The following GRAMD4 variants were observed in gnomAD, a reference collection of about 807,000 sequenced individuals.
GRAMD4 encodes GRAM domain containing 4, also known as GRAM domain-containing protein 4.
GRAMD4 carries 25 observed loss-of-function variants against 83.9 expected under a neutral mutation model. The ratio of observed to expected loss-of-function variants is 0.30; its 90% CI spans 0.22 to 0.42. The LOEUF (loss-of-function observed/expected upper bound fraction) is 0.42, where lower values mean the gene tolerates loss of function less well. GRAMD4 is among the 10% of genes least tolerant of loss of function. The probability of loss-of-function intolerance (pLI) is 1.00; values close to 1 mark genes in which losing one functional copy is unlikely to be tolerated. For synonymous variants in GRAMD4, 336 were observed against 320.9 expected, an observed-to-expected ratio of 1.05 and a Z score of -0.50; for missense variants, 593 against 788.7, an observed-to-expected ratio of 0.75 and a Z score of 2.97.
At chr22:46,583,507 T>C (rs2081117839) in intron 1 of GRAMD4, among the ~76,000 whole-genome samples, 1 of 152,224 alleles carries the variant, frequency 6.6e-6, no homozygotes, top group South Asian at 2.1e-4. Flanking sequence ...TCTAAGCTCC[T>C]CTTTGCTATG....
chr22:46,679,105 G>A lies in GRAMD4; in HGVS notation c.*1854G>A, dbSNP rs777609876. The A allele has an allele frequency of 2.9e-5, 29 of 985,398 alleles. No individual in the cohort carries two copies. The highest frequency in any genetic ancestry group is 1.4e-4 in the South Asian group (3 of 21,292). 61.0% of individuals were successfully genotyped at this position (985,398 alleles called of 1,614,324 possible). A position where few individuals can be genotyped will look rare whatever the true frequency, so the allele number is the denominator to read the frequency against. On this transcript the variant is annotated 3_prime_UTR_variant, in exon 19 of 19. Coordinates refer to ENST00000406902, the MANE Select transcript of GRAMD4 (RefSeq NM_015124.5). ...TGGGCACTGACCCACCCCCAGGGGC[G>A]GCTGCAGAGGCAGTGCCCGCAGACA...
upstream of GRAMD4, among the ~76,000 whole-genome samples, chr22:46,616,024 T>G (rs1288093896): frequency 3.5e-5 from 1 of 28,768 alleles, no homozygotes; most frequent in African/African-American, 1.2e-4. Flanking sequence ...CTGTGCGTGT[T>G]GGTTCCCCCA....
Position 46,603,259 on chromosome 22 carries a change from T to G in GRAMD4, c.-49-23492T>G, listed in dbSNP as rs1387437595. Among the ~76,000 whole-genome samples the G allele has an allele frequency of 3.6e-5, 5 of 139,006 alleles. No individual in the cohort carries two copies. In the East Asian group the frequency reaches 8.6e-4, roughly 24 times the overall value. 91.2% of individuals were successfully genotyped at this position (139,006 alleles called of 152,430 possible). ...GTCTCGCTGTGTTGCCCAGGCTGGA[T>G]TGCAGTGGCATGACCTCGGCTCACT... On this transcript the variant is annotated intron_variant, in intron 1 of 1. Transcript: ENST00000431155.
intron 2 of GRAMD4, among the ~76,000 whole-genome samples, chr22:46,628,493 G>C (rs1379439439): frequency 5.0e-4 from 43 of 85,934 alleles, no homozygotes; most frequent in South Asian, 1.4e-3. Context: ...TGAGTGCGTT[G>C]GTGTCTGAGG....
At chr22:46,648,947 G>GATGGATGGATGC (rs2082124683) in intron 3 of GRAMD4, among the ~76,000 whole-genome samples, 1 of 80,264 alleles carries the variant, frequency 1.2e-5, no homozygotes, top group African/African-American at 4.6e-5. Context: ...TGGATGGATG[G>GATGGATGGATGC]ATGGATGGAT....
At position 46,668,890 on chromosome 22, in the gene GRAMD4, C is replaced by T; in HGVS notation, c.1066C>T (p.Leu356=). ...FLASCFFPYR[L]VGLAVGLYAG... is the part of the protein sequence containing the mutation. ...GGCCTCCTGCTTCTTCCCCTACCGCCTGGTGGGGCTTGCCGTGGGTAAGTA... is the reference window on the plus strand; with the variant it reads ...GGCCTCCTGCTTCTTCCCCTACCGCTTGGTGGGGCTTGCCGTGGGTAAGTA... The change falls in exon 13 of 19, where the codon CTG becomes TTG. Residue 356 remains leucine, a synonymous_variant. Transcript: ENST00000406902. The T allele has an allele frequency of 6.2e-7, 1 of 1,606,740 alleles. No homozygotes were observed. Among genetic ancestry groups the T allele is most frequent in the Non-Finnish European group, 8.5e-7 (1 of 1,174,504 alleles).
intron 9 of GRAMD4, among the ~76,000 whole-genome samples, chr22:46,666,144 G>A (rs1289960738): frequency 3.9e-5 from 6 of 152,306 alleles, no homozygotes; most frequent in African/African-American, 7.2e-5. Context: ...TGTGACTGAC[G>A]CGTTAACCCC....
chr22:46,615,534 T>G (rs1243477136), upstream of GRAMD4, among the ~76,000 whole-genome samples: 1 of 140,794 alleles, frequency 7.1e-6, no homozygotes, highest in African/African-American at 2.7e-5. Flanking sequence ...CCTGTGTGTG[T>G]AGGTTCCCCT....
chr22:46,681,876 C>T (rs1019834029), downstream of GRAMD4, among the ~76,000 whole-genome samples: 5 of 152,164 alleles, frequency 3.3e-5, no homozygotes, highest in Non-Finnish European at 7.3e-5. Context: ...TCTGCTCGTC[C>T]TGCAGAACTC....
chr22:46,649,716 T>G (rs1404904257), intron 3 of GRAMD4, among the ~76,000 whole-genome samples: 1 of 152,238 alleles, frequency 6.6e-6, no homozygotes, highest in Admixed American at 6.5e-5. Flanking sequence ...CAGTAAACAT[T>G]ATCTCTGCAC....
chr22:46,660,244 C>T (rs1292779596), intron 4 of GRAMD4, among the ~76,000 whole-genome samples: 3 of 152,188 alleles, frequency 2.0e-5, no homozygotes, highest in African/African-American at 7.2e-5. Context: ...AACATCCAGG[C>T]TGTGACCCAG....
At chr22:46,588,103 G>C (rs2081169320) in intron 1 of GRAMD4, among the ~76,000 whole-genome samples, 1 of 151,990 alleles carries the variant, frequency 6.6e-6, no homozygotes, top group Non-Finnish European at 1.5e-5. Context: ...GCCGCCTTCG[G>C]GGGCTCTGTC....
chr22:46,613,733 A>G (rs992641269), intron 1 of GRAMD4, among the ~76,000 whole-genome samples: 1 of 151,846 alleles, frequency 6.6e-6, no homozygotes, highest in Non-Finnish European at 1.5e-5. Context: ...AGATGGGCCC[A>G]CCCCACCCCG....
At chr22:46,619,597 G>C (rs966729540), upstream of GRAMD4, among the ~76,000 whole-genome samples, 17 of 152,160 alleles carry the variant, frequency 1.1e-4, no homozygotes, top group African/African-American at 3.9e-4. Context: ...CCTGGCTGGC[G>C]ATGGGGTATT....
chr22:46,639,660 A>G (rs368452730), intron 3 of GRAMD4, among the ~76,000 whole-genome samples: 8 of 151,352 alleles, frequency 5.3e-5, no homozygotes, highest in Admixed American at 2.0e-4. Flanking sequence ...GCCCGTGTGC[A>G]GCAGTATTAC....
At position 46,626,977 on chromosome 22, in the gene GRAMD4, C is replaced by T. The variant is rs371044484; in HGVS notation, c.162+16C>T. 25 of 1,590,670 alleles carry T rather than the reference C, an allele frequency of 1.6e-5. No homozygotes were observed. Among genetic ancestry groups the T allele is most frequent in the Middle Eastern group, 1.7e-4 (1 of 5,816 alleles). ...GAGGGACCCTGTGAGTACCTGTCCT[C>T]GTCCCCCGGTGTGGGCTGGGGTGTC... On this transcript the variant is annotated intron_variant, in intron 2 of 18. Coordinates refer to ENST00000406902, the MANE Select transcript of GRAMD4 (RefSeq NM_015124.5).
intron 2 of GRAMD4, 37 bp from the exon 3 acceptor site, chr22:46,637,803 A>G (rs767388739): frequency 6.2e-7 from 1 of 1,610,704 alleles, no homozygotes; most frequent in Non-Finnish European, 8.5e-7. Context: ...AGGGTGCCAC[A>G]GGTGGCCCCT....
At chr22:46,603,268 C>T (rs1219247930) in intron 1 of GRAMD4, among the ~76,000 whole-genome samples, 1 of 137,752 alleles carries the variant, frequency 7.3e-6, no homozygotes, top group Non-Finnish European at 1.5e-5. Context: ...ATTGCAGTGG[C>T]ATGACCTCGG....
At chr22:46,620,167 G>T (rs923050171), upstream of GRAMD4, 1 of 230,674 alleles carries the variant, frequency 4.3e-6, no homozygotes, top group African/African-American at 2.3e-5. This position sits in a 1 kb window ranked among gnomAD's most constrained non-coding sequence, Gnocchi z 4.7. Context: ...AGTCCTTTGC[G>T]GTTTCTGAGT....
Sources: allele counts gnomAD v4.1 joint callset (sites outside exome capture counted in the v4.1 genomes callset), GRCh38; gene constraint gnomAD v4.1.1; non-coding constraint Gnocchi (gnomAD v3.1); transcripts MANE v1.5; gene names NCBI Gene and HGNC (gene_info 2026-07-23, HGNC 2026-07-21).